The following TBX4 variants were observed in gnomAD, a reference collection of about 807,000 sequenced individuals.
TBX4 encodes T-box transcription factor 4.
TBX4 carries 13 observed loss-of-function variants against 54.6 expected under a neutral mutation model. The observed-to-expected ratio is 0.24, with a 90% confidence interval of 0.15 to 0.38. The LOEUF (loss-of-function observed/expected upper bound fraction) is 0.38, where lower values mean the gene tolerates loss of function less well. Ranked by LOEUF, TBX4 falls within the 10% of genes least tolerant of loss-of-function variation. TBX4 has a pLI of 1.00. For missense variants in TBX4, 631 were observed against 728.5 expected (o/e 0.87, Z 1.54); for synonymous variants, 314 against 306.7 (o/e 1.02, Z -0.25).
At chr17:61,455,534 G>T (rs2060441262) in intron 1 of TBX4, among the ~76,000 whole-genome samples, 1 of 152,252 alleles carries the variant, frequency 6.6e-6, no homozygotes, top group South Asian at 2.1e-4. Flanking sequence ...CAGGGAGCAG[G>T]CACCTGAGTA....
In TBX4 at chr17:61,457,554, G is replaced by A. The variant is rs1319700825; in HGVS notation, c.204G>A (p.Lys68=). ...AAAEQTIENI[K]VGLHEKELWK... The stretch of plus-strand genomic sequence containing the variant: ...ATCCCCAGACCATCGAGAACATCAA[G>A]GTGGGGCTGCATGAGAAGGAGCTCT... The change falls in exon 3 of 9, where the codon AAG becomes AAA. Residue 68 remains lysine (K), a synonymous_variant. Coordinates refer to ENST00000644296, the MANE Select transcript of TBX4 (RefSeq NM_001321120.2). This position sits in a 1 kb window ranked among gnomAD's most constrained non-coding sequence, Gnocchi z 8.2. The A allele has an allele frequency of 6.2e-7, 1 of 1,614,016 alleles. No homozygotes were observed. The highest frequency in any genetic ancestry group is 8.5e-7 in the Non-Finnish European group (1 of 1,179,972).
In TBX4 at chr17:61,459,889, C is replaced by T. The variant is rs1462229671; in HGVS notation, c.281+2258C>T. ...GACCCCATTTCCTCCTTCATAGCTG[C>T]CCCCCTCCTTCAGCAACCACTGTAT... is the stretch of plus-strand genomic sequence containing the variant. On this transcript the variant is annotated intron_variant, in intron 3 of 8. Coordinates refer to ENST00000644296, the MANE Select transcript of TBX4 (RefSeq NM_001321120.2). This position sits in a 1 kb window ranked among gnomAD's most constrained non-coding sequence, Gnocchi z 4.8. Among the ~76,000 whole-genome samples, 6 of 151,554 alleles carry T rather than the reference C, an allele frequency of 4.0e-5. No individual in the cohort carries two copies. The South Asian group carries it at 1.3e-3, about 32-fold the overall frequency.
chr17:61,467,170 T>G (rs2060542919), intron 4 of TBX4, among the ~76,000 whole-genome samples: 1 of 151,976 alleles, frequency 6.6e-6, no homozygotes, highest in Non-Finnish European at 1.5e-5. Flanking sequence ...AAAAAAAAAT[T>G]TTAAATCATA....
Position 61,478,934 on chromosome 17 carries a change from C to T in TBX4, c.702+155C>T, listed in dbSNP as rs1391053134. 10 of 1,107,536 alleles carry T rather than the reference C, an allele frequency of 9.0e-6. No individual in the cohort carries two copies. Among genetic ancestry groups the T allele is most frequent in the African/African-American group, 4.7e-5 (3 of 63,784 alleles). 68.6% of individuals were successfully genotyped at this position (1,107,536 alleles called of 1,614,324 possible). ...AGAAGCCTAGAGTCCCTCGGAGCCG[C>T]GAGCAAATCGAATGATGAACAGAAA... On this transcript the variant is annotated intron_variant, in intron 6 of 8. Coordinates refer to ENST00000644296, the MANE Select transcript of TBX4 (RefSeq NM_001321120.2). This position sits in a 1 kb window ranked among gnomAD's most constrained non-coding sequence, Gnocchi z 7.4.
intron 5 of TBX4, among the ~76,000 whole-genome samples, chr17:61,469,835 G>A (rs550699853): frequency 6.6e-6 from 1 of 152,206 alleles, no homozygotes; most frequent in Non-Finnish European, 1.5e-5. Flanking sequence ...CCCATTGAAG[G>A]ATGAAGGAGT....
At chr17:61,454,202 C>G (rs1301424454) in intron 1 of TBX4, among the ~76,000 whole-genome samples, 1 of 152,174 alleles carries the variant, frequency 6.6e-6, no homozygotes, top group Non-Finnish European at 1.5e-5. Flanking sequence ...CCGAACTGAT[C>G]AAAATACTAC....
At chr17:61,453,440 C>T (rs1024521297) in intron 1 of TBX4, among the ~76,000 whole-genome samples, 5 of 151,884 alleles carry the variant, frequency 3.3e-5, no homozygotes, top group Admixed American at 2.6e-4. Context: ...CTACAGTGAA[C>T]TATTAAAAGA....
rs1213612297 is a variant in TBX4 at position 61,459,564 on chromosome 17, T to G, written c.281+1933T>G. Among the ~76,000 whole-genome samples the G allele has an allele frequency of 2.0e-5, 3 of 152,216 alleles. No homozygotes were observed. Among genetic ancestry groups the G allele is most frequent in the African/African-American group, 7.2e-5 (3 of 41,450 alleles). ...CAAAGGGCATTTTTGTTTGTTTGTT[T>G]TCCTCAGTAGTGTTTCCTGCATCTG... On this transcript the variant is annotated intron_variant, in intron 3 of 8. Coordinates refer to ENST00000644296, the MANE Select transcript of TBX4 (RefSeq NM_001321120.2). The surrounding 1 kb of genome is among the most constrained non-coding windows in gnomAD (Gnocchi z 4.8).
chr17:61,453,195 A>C (rs1243558573), intron 1 of TBX4, among the ~76,000 whole-genome samples: 1 of 152,252 alleles, frequency 6.6e-6, no homozygotes, highest in Non-Finnish European at 1.5e-5. Context: ...TCAAGTGAAA[A>C]TAGTAATCAC....
At chr17:61,469,738 T>A (rs1205207914) in intron 5 of TBX4, among the ~76,000 whole-genome samples, 1 of 152,202 alleles carries the variant, frequency 6.6e-6, no homozygotes, top group Non-Finnish European at 1.5e-5. Flanking sequence ...AGACAAGGGC[T>A]GTGGAGAGAC....
At chr17:61,468,966 G>A (rs1399615245) in intron 5 of TBX4, among the ~76,000 whole-genome samples, 1 of 152,120 alleles carries the variant, frequency 6.6e-6, no homozygotes, top group Admixed American at 6.5e-5. Context: ...GGGTAGGGAG[G>A]GTCTCTGTGT....
chr17:61,453,258 G>A (rs2060426090), intron 1 of TBX4, among the ~76,000 whole-genome samples: 1 of 152,068 alleles, frequency 6.6e-6, no homozygotes, highest in Non-Finnish European at 1.5e-5. Flanking sequence ...AACAATGTAA[G>A]GACTGTTTAT....
chr17:61,458,632 T>C (rs1331846308), intron 3 of TBX4, among the ~76,000 whole-genome samples: 2 of 151,922 alleles, frequency 1.3e-5, no homozygotes, highest in Non-Finnish European at 2.9e-5. Flanking sequence ...CTTTCATCTG[T>C]GCAACCTCAG....
chr17:61,478,153 C>T lies in TBX4; in HGVS notation c.550-474C>T, dbSNP rs577471176. ...AGAAGAGGTGAGGCTGGAGGGGGAC[C>T]CCTGAGGGAGGGAGGTTACATGTTA... On this transcript the variant is annotated intron_variant, in intron 5 of 8. Transcript: ENST00000644296. The surrounding 1 kb of genome is among the most constrained non-coding windows in gnomAD (Gnocchi z 7.4). Among the ~76,000 whole-genome samples, 121 of 152,042 alleles carry T rather than the reference C, an allele frequency of 8.0e-4. No individual in the cohort carries two copies. Among genetic ancestry groups the T allele is most frequent in the African/African-American group, 2.8e-3 (118 of 41,452 alleles).
chr17:61,473,888 G>A (rs1244817629), intron 5 of TBX4, among the ~76,000 whole-genome samples: 1 of 152,236 alleles, frequency 6.6e-6, no homozygotes. Context: ...GTGGCAGAAG[G>A]CAGGAAGGTT....
chr17:61,477,941 C>CAAAAAAAAAAAAAAAAAAAAA (rs10617980), intron 5 of TBX4, among the ~76,000 whole-genome samples: 2 of 88,670 alleles, frequency 2.3e-5, no homozygotes, highest in Non-Finnish European at 4.6e-5. Flanking sequence ...GATTCCATCT[C>CAAAAAAAAAAAAAAAAAAAAA]AAAAAAAAAA....
At position 61,459,395 on chromosome 17, in the gene TBX4, A is replaced by G. The variant is rs1348031160; in HGVS notation, c.281+1764A>G. 6.6e-6 allele frequency among the ~76,000 whole-genome samples: 1 copy of G among 152,208 alleles called. No homozygotes were observed. On this transcript the variant is annotated intron_variant, in intron 3 of 8. Transcript: ENST00000644296. The surrounding 1 kb of genome is among the most constrained non-coding windows in gnomAD (Gnocchi z 4.8). Reference sequence around the variant, plus strand: ...ATCAAGTGCGAAGGGGAATGGGGCTATTTCTTGTGCCTGCTAGTGTGGAAA... The same window carrying G: ...ATCAAGTGCGAAGGGGAATGGGGCTGTTTCTTGTGCCTGCTAGTGTGGAAA...
In TBX4 at chr17:61,465,436, T is replaced by G. The variant is rs2060528371; in HGVS notation, c.282-383T>G. 6.6e-6 allele frequency among the ~76,000 whole-genome samples: 1 copy of G among 152,206 alleles called. No homozygotes were observed. Among genetic ancestry groups the G allele is most frequent in the South Asian group, 2.1e-4 (1 of 4,834 alleles). On this transcript the variant is annotated intron_variant, in intron 3 of 8. Coordinates refer to ENST00000644296, the MANE Select transcript of TBX4 (RefSeq NM_001321120.2). The surrounding 1 kb of genome is among the most constrained non-coding windows in gnomAD (Gnocchi z 4.9). The stretch of plus-strand genomic sequence containing the variant: ...GGCTGGCAAAGGACAGGAGGGAAAT[T>G]AAGGCAGCAAGGTTGGCGTCAGAAT...
chr17:61,454,499 G>C (rs1278649346), intron 1 of TBX4, among the ~76,000 whole-genome samples: 1 of 152,250 alleles, frequency 6.6e-6, no homozygotes, highest in Non-Finnish European at 1.5e-5. Flanking sequence ...CGAGGTCCGA[G>C]AGGACCGCGA....
Sources: allele counts gnomAD v4.1 joint callset (sites outside exome capture counted in the v4.1 genomes callset), GRCh38; gene constraint gnomAD v4.1.1; non-coding constraint Gnocchi (gnomAD v3.1); transcripts MANE v1.5; gene names NCBI Gene and HGNC (gene_info 2026-07-23, HGNC 2026-07-21).